Variants in COP1 observed in about 807,000 individuals in gnomAD.
COP1 encodes the protein COP1 E3 ubiquitin ligase.
COP1 carries 24 observed loss-of-function variants against 101.3 expected under a neutral mutation model. The observed-to-expected ratio is 0.24, with a 90% CI of 0.17 to 0.33. The LOEUF is 0.33. Ranked by LOEUF, COP1 falls within the 10% of genes least tolerant of loss-of-function variation. The pLI is 1.00. For synonymous variants in COP1, 347 were observed against 341.9 expected (o/e 1.01, Z -0.17); for missense variants, 663 against 906.2 (o/e 0.73, Z 3.45).
At chr1:175,955,111 G>A (rs910300073) in intron 18 of COP1, among the ~76,000 whole-genome samples, 13 of 152,022 alleles carry the variant, frequency 8.6e-5, no homozygotes, top group Admixed American at 7.2e-4. Context: ...GATGGGTGTG[G>A]TGGCATGCAC....
intron 1 of COP1, among the ~76,000 whole-genome samples, chr1:176,205,269 A>C (rs1442937825): frequency 2.0e-5 from 3 of 152,242 alleles, no homozygotes; most frequent in East Asian, 3.8e-4. Context: ...CCCCAACCAT[A>C]AACTGCTTAT....
chr1:176,142,787 A>G (rs543426364), intron 6 of COP1, among the ~76,000 whole-genome samples: 43 of 152,186 alleles, frequency 2.8e-4, no homozygotes, highest in Non-Finnish European at 5.7e-4. Context: ...AGGCCTAAGA[A>G]AAAAATATAA....
chr1:176,179,001 A>G (rs1411278427), intron 2 of COP1, among the ~76,000 whole-genome samples: 2 of 151,868 alleles, frequency 1.3e-5, no homozygotes, highest in Non-Finnish European at 2.9e-5. Context: ...TTTTTTAAAA[A>G]AAGACAAGGC....
At chr1:176,205,221 C>T (rs1406388395) in intron 1 of COP1, among the ~76,000 whole-genome samples, 1 of 152,206 alleles carries the variant, frequency 6.6e-6, no homozygotes, top group Admixed American at 6.5e-5. Context: ...ATTAGCTACT[C>T]GCACTATCGA....
At chr1:176,042,462 G>A (rs1263837350) in intron 14 of COP1, among the ~76,000 whole-genome samples, 1 of 136,546 alleles carries the variant, frequency 7.3e-6, no homozygotes, top group East Asian at 2.3e-4. Flanking sequence ...ACTCGGGAGG[G>A]TGAGGCAGGA....
At chr1:176,206,480 C>A in intron 1 of COP1, 92 bp downstream of exon 1, 1 of 1,480,342 alleles carries the variant, frequency 6.8e-7, no homozygotes, top group Non-Finnish European at 9.2e-7. Context: ...AGCTCTCCAA[C>A]AAGCCACCCC....
intron 11 of COP1, among the ~76,000 whole-genome samples, chr1:176,075,675 C>T (rs1046887937): frequency 4.6e-5 from 7 of 152,238 alleles, no homozygotes; most frequent in Non-Finnish European, 1.0e-4. Flanking sequence ...ACAAGTTATT[C>T]TCGGCTTACA....
chr1:175,986,535 C>T (rs1657177294), intron 18 of COP1, among the ~76,000 whole-genome samples: 1 of 144,360 alleles, frequency 6.9e-6, no homozygotes, highest in South Asian at 2.3e-4. Context: ...CTATCCTTTA[C>T]CTGTACCAAT....
intron 11 of COP1, among the ~76,000 whole-genome samples, chr1:176,066,579 C>T (rs1347130854): frequency 6.6e-6 from 1 of 152,146 alleles, no homozygotes; most frequent in Non-Finnish European, 1.5e-5. Context: ...GTGTTATTTA[C>T]TGGCAGCCCA....
At position 176,144,093 on chromosome 1, in the gene COP1, C is replaced by T. The variant is rs143069314; in HGVS notation, c.831+4913G>A. On this transcript the variant is annotated intron_variant, in intron 6 of 19. Transcript: ENST00000367669. ...TCACCACTTCTATTCATCATTGTAC[C>T]GGATGTCCTAGCCAGCAGAGTAAGA... Among the ~76,000 whole-genome samples, 27 of 152,002 alleles carry T rather than the reference C, an allele frequency of 1.8e-4. No homozygotes were observed. The East Asian group carries it at 5.2e-3, about 29-fold the overall frequency.
At chr1:176,076,659 C>T (rs1678076379) in intron 11 of COP1, among the ~76,000 whole-genome samples, 1 of 151,530 alleles carries the variant, frequency 6.6e-6, no homozygotes, top group South Asian at 2.1e-4. Flanking sequence ...AAAGTCCATA[C>T]AAAAGATAAA....
intron 18 of COP1, chr1:175,982,477 G>A: frequency 2.3e-6 from 1 of 433,644 alleles, no homozygotes; most frequent in South Asian, 1.7e-5. Context: ...AGACCTTTAT[G>A]ATTCACTTCA....
intron 15 of COP1, among the ~76,000 whole-genome samples, chr1:176,010,054 A>G (rs141550890): frequency 6.6e-6 from 1 of 152,140 alleles, no homozygotes; most frequent in South Asian, 2.1e-4. Flanking sequence ...GTCTGCAAAG[A>G]AGCTGAAAGA....
intron 1 of COP1, among the ~76,000 whole-genome samples, chr1:176,206,093 T>C (rs1473441907): frequency 6.6e-6 from 1 of 152,218 alleles, no homozygotes; most frequent in Non-Finnish European, 1.5e-5. Context: ...CAGCATCATC[T>C]ACCATACTTC....
At chr1:176,049,786 C>T (rs909956945) in intron 11 of COP1, among the ~76,000 whole-genome samples, 2 of 152,062 alleles carry the variant, frequency 1.3e-5, no homozygotes, top group African/African-American at 4.8e-5. Flanking sequence ...CTTTCTAGAA[C>T]TAATACAAAA....
At chr1:175,953,451 T>C (rs990736266) in intron 18 of COP1, among the ~76,000 whole-genome samples, 4 of 152,058 alleles carry the variant, frequency 2.6e-5, no homozygotes, top group Non-Finnish European at 5.9e-5. Context: ...TTCAACTCTA[T>C]GCTGTCCCTA....
At chr1:175,969,829 T>C (rs1652892785) in intron 18 of COP1, among the ~76,000 whole-genome samples, 1 of 152,160 alleles carries the variant, frequency 6.6e-6, no homozygotes, top group Admixed American at 6.6e-5. Context: ...AAATACTATA[T>C]AACCTTAATT....
At chr1:176,095,544 T>C (rs2149475719) in intron 9 of COP1, among the ~76,000 whole-genome samples, 1 of 152,298 alleles carries the variant, frequency 6.6e-6, no homozygotes, top group South Asian at 2.1e-4. Context: ...AAGCTGGGCA[T>C]GGTGGCATAC....
At chr1:176,169,879 A>T (rs759841284) in intron 3 of COP1, among the ~76,000 whole-genome samples, 5 of 152,260 alleles carry the variant, frequency 3.3e-5, no homozygotes, top group Non-Finnish European at 7.3e-5. Context: ...AATTTCTTTC[A>T]AAGTTAGTCA....
Sources: allele counts gnomAD v4.1 joint callset (sites outside exome capture counted in the v4.1 genomes callset), GRCh38; gene constraint gnomAD v4.1.1; transcripts MANE v1.5; gene names NCBI Gene and HGNC (gene_info 2026-07-23, HGNC 2026-07-21).